The following NIBAN1 variants were observed in gnomAD, a reference collection of about 807,000 sequenced individuals.
The protein encoded by NIBAN1 is niban apoptosis regulator 1.
NIBAN1 carries 81 observed loss-of-function variants against 75.1 expected under a neutral mutation model. The observed-to-expected ratio is 1.08, with a 90% confidence interval of 0.90 to 1.30. The LOEUF (loss-of-function observed/expected upper bound fraction) is 1.30. Ranked by LOEUF, NIBAN1 falls within the 50% of genes most tolerant of loss-of-function variation. The pLI is 0.00. For missense variants in NIBAN1, 1,133 were observed against 1,128.1 expected (o/e 1.00, Z -0.06); for synonymous variants, 436 against 424.8 (o/e 1.03, Z -0.32).
At chr1:184,891,881 C>T (rs947771227) in intron 3 of NIBAN1, among the ~76,000 whole-genome samples, 1 of 152,024 alleles carries the variant, frequency 6.6e-6, no homozygotes, top group Non-Finnish European at 1.5e-5. Context: ...TGACAAACTG[C>T]GTGGACTTTA....
chr1:184,815,369 G>C (rs748796505), intron 9 of NIBAN1, among the ~76,000 whole-genome samples: 4 of 152,156 alleles, frequency 2.6e-5, no homozygotes, highest in Non-Finnish European at 4.4e-5. Context: ...AAACTTTGGA[G>C]ACTTGAACTT....
At chr1:184,950,688 C>T (rs912000122) in intron 1 of NIBAN1, among the ~76,000 whole-genome samples, 11 of 152,090 alleles carry the variant, frequency 7.2e-5, no homozygotes, top group African/African-American at 1.4e-4. Context: ...AGCTGGTTTT[C>T]GATTAGGTTA....
intron 5 of NIBAN1, among the ~76,000 whole-genome samples, chr1:184,872,068 G>A (rs1656122228): frequency 6.6e-6 from 1 of 152,100 alleles, no homozygotes; most frequent in African/African-American, 2.4e-5. Context: ...AAGGTACCAT[G>A]AGTAAGAGCC....
At chr1:184,866,836 A>T (rs1156470293) in intron 5 of NIBAN1, among the ~76,000 whole-genome samples, 1 of 152,206 alleles carries the variant, frequency 6.6e-6, no homozygotes, top group East Asian at 1.9e-4. Flanking sequence ...GCCTATCTCA[A>T]AATTAGTGAT....
In NIBAN1 at chr1:184,794,881, A is replaced by T; in HGVS notation, c.*96T>A. The T allele has an allele frequency of 6.5e-7, 1 of 1,538,970 alleles. No homozygotes were observed. Among genetic ancestry groups the T allele is most frequent in the Non-Finnish European group, 8.9e-7 (1 of 1,125,886 alleles). On this transcript the variant is annotated 3_prime_UTR_variant, in exon 14 of 14. Transcript: ENST00000367511. ...TATTATTCAAATTAAGAAAATACTT[A>T]AAAATTTTTTGGTAACAGCTTGCAT...
At chr1:184,818,025 C>T (rs562824409) in intron 9 of NIBAN1, among the ~76,000 whole-genome samples, 5 of 152,274 alleles carry the variant, frequency 3.3e-5, no homozygotes, top group Middle Eastern at 3.4e-3. Context: ...TTGTTCTGAC[C>T]GTGAGGCACC....
intron 4 of NIBAN1, among the ~76,000 whole-genome samples, chr1:184,889,149 A>G (rs961398132): frequency 1.3e-5 from 2 of 152,208 alleles, no homozygotes; most frequent in Non-Finnish European, 2.9e-5. Flanking sequence ...ACACTTCATG[A>G]ATCTCTATGA....
At position 184,935,125 on chromosome 1, in the gene NIBAN1, A is replaced by AT. The variant is rs144352612; in HGVS notation, c.56-35817dup. Among the ~76,000 whole-genome samples the AT allele has an allele frequency of 2.2e-4, 33 of 148,038 alleles. No individual in the cohort carries two copies. In the East Asian group the frequency reaches 4.9e-3, roughly 22 times the overall value. On this transcript the variant is annotated intron_variant, in intron 1 of 13. Coordinates refer to ENST00000367511, the MANE Select transcript of NIBAN1 (RefSeq NM_052966.4). Reference sequence around the variant, plus strand: ...TTTAGACCATCATTTAATAGCAGACATTTTTTTTTTAAGTTTTAGCAAATG... The same window carrying AT: ...TTTAGACCATCATTTAATAGCAGACATTTTTTTTTTTAAGTTTTAGCAAATG...
chr1:184,956,445 CA>C (rs1463371130), intron 1 of NIBAN1, among the ~76,000 whole-genome samples: 1 of 152,176 alleles, frequency 6.6e-6, no homozygotes, highest in Non-Finnish European at 1.5e-5. Context: ...AGCACTTCTC[CA>C]ACCCTGAATG....
intron 8 of NIBAN1, among the ~76,000 whole-genome samples, chr1:184,819,187 T>C: frequency 6.6e-6 from 1 of 152,212 alleles, no homozygotes; most frequent in East Asian, 1.9e-4. Flanking sequence ...GTTTGTCTTC[T>C]AAAAACACAA....
intron 5 of NIBAN1, among the ~76,000 whole-genome samples, chr1:184,884,022 G>A (rs1249667146): frequency 6.6e-6 from 1 of 152,034 alleles, no homozygotes; most frequent in African/African-American, 2.4e-5. Context: ...ATGCAAAATG[G>A]TCTACATGAA....
intron 5 of NIBAN1, among the ~76,000 whole-genome samples, chr1:184,880,952 T>G (rs1353232738): frequency 6.6e-6 from 1 of 152,222 alleles, no homozygotes; most frequent in Non-Finnish European, 1.5e-5. Context: ...AGGATCATAC[T>G]ATACAGTTGG....
chr1:184,888,445 T>C (rs926708485), intron 4 of NIBAN1, among the ~76,000 whole-genome samples: 3 of 152,200 alleles, frequency 2.0e-5, no homozygotes, highest in African/African-American at 7.2e-5. Context: ...AACAAACCCA[T>C]AAAATTCATT....
chr1:184,856,220 ATTT>A (rs1392876018), intron 5 of NIBAN1, among the ~76,000 whole-genome samples: 1 of 152,110 alleles, frequency 6.6e-6, no homozygotes, highest in Non-Finnish European at 1.5e-5. Flanking sequence ...TGACATCATT[ATTT>A]GTTTTATAAG....
chr1:184,813,975 C>A (rs1489005689), intron 9 of NIBAN1, among the ~76,000 whole-genome samples: 1 of 151,994 alleles, frequency 6.6e-6, no homozygotes, highest in Non-Finnish European at 1.5e-5. Context: ...ATTGAGCCTA[C>A]TGAAAAAAAT....
At chr1:184,934,715 T>C (rs1657910246) in intron 1 of NIBAN1, among the ~76,000 whole-genome samples, 1 of 151,922 alleles carries the variant, frequency 6.6e-6, no homozygotes. Flanking sequence ...GCCAATATGG[T>C]AAAACCCTGT....
At chr1:184,819,195 C>A (rs1029799052) in intron 8 of NIBAN1, among the ~76,000 whole-genome samples, 2 of 152,126 alleles carry the variant, frequency 1.3e-5, no homozygotes, top group Admixed American at 6.5e-5. Context: ...TCTAAAAACA[C>A]AATTTATTGT....
intron 6 of NIBAN1, among the ~76,000 whole-genome samples, chr1:184,825,753 A>T (rs999208369): frequency 1.6e-4 from 25 of 152,174 alleles, no homozygotes; most frequent in African/African-American, 6.0e-4. Context: ...TTTCACCACG[A>T]GTCTTTCAAG....
intron 1 of NIBAN1, among the ~76,000 whole-genome samples, chr1:184,921,670 T>C (rs1657558571): frequency 6.6e-6 from 1 of 152,212 alleles, no homozygotes; most frequent in Middle Eastern, 3.2e-3. Flanking sequence ...TAAGTTAGTA[T>C]GTAACAATCA....
Sources: allele counts gnomAD v4.1 joint callset (sites outside exome capture counted in the v4.1 genomes callset), GRCh38; gene constraint gnomAD v4.1.1; transcripts MANE v1.5; gene names NCBI Gene and HGNC (gene_info 2026-07-23, HGNC 2026-07-21).